The following SHCBP1L variants were observed in gnomAD, a reference collection of about 807,000 sequenced individuals.
The protein encoded by SHCBP1L is testicular spindle-associated protein SHCBP1L.
In SHCBP1L, 67 loss-of-function variants were observed where a neutral mutation model predicts 62.5. The observed-to-expected ratio is 1.07, with a 90% CI of 0.88 to 1.31. SHCBP1L has a LOEUF of 1.31. Ranked by LOEUF, SHCBP1L falls within the 40% of genes most tolerant of loss-of-function variation. The probability of loss-of-function intolerance (pLI) is 0.00; values close to 1 mark genes in which losing one functional copy is unlikely to be tolerated. For synonymous variants in SHCBP1L, 284 were observed against 289.4 expected (o/e 0.98, Z 0.19); for missense variants, 823 against 809.8 (o/e 1.02, Z -0.20).
chr1:182,949,061 G>A (rs1444522573), intron 2 of SHCBP1L, among the ~76,000 whole-genome samples: 1 of 152,072 alleles, frequency 6.6e-6, no homozygotes, highest in Non-Finnish European at 1.5e-5. Flanking sequence ...ATGTATTGCA[G>A]GTAAAACCTT....
chr1:182,952,834 T>G lies in SHCBP1L; in HGVS notation c.300A>C (p.Glu100Asp). The G allele has an allele frequency of 6.2e-7, 1 of 1,611,912 alleles. No homozygotes were observed. The highest frequency in any genetic ancestry group is 8.5e-7 in the Non-Finnish European group (1 of 1,179,368). Residue 100 changes from glutamate to aspartate, a missense_variant, in exon 1 of 10, where the codon GAA (glutamate) becomes GAC (aspartate). By Grantham distance (45) the Glu-to-Asp change is conservative. Coordinates refer to ENST00000367547, the MANE Select transcript of SHCBP1L (RefSeq NM_030933.4). Reference protein sequence around the residue: ...EEPLLPVPEDEEEAQPLPPVC... With the variant: ...EEPLLPVPEDDEEAQPLPPVC... ...CTGGGGGCAGGGGCTGCGCCTCCTC[T>G]TCATCCTCAGGCACTGGCAGCAGGG...
At chr1:182,900,324 C>G (rs1293455111) in intron 9 of SHCBP1L, 90 bp from the exon 10 acceptor site, 2 of 1,114,356 alleles carry the variant, frequency 1.8e-6, no homozygotes, top group Non-Finnish European at 1.2e-6. Context: ...AGACTTTATT[C>G]TTGGATTAAC....
chr1:182,938,903 T>C (rs760536469), intron 5 of SHCBP1L, among the ~76,000 whole-genome samples: 2 of 152,244 alleles, frequency 1.3e-5, no homozygotes, highest in Non-Finnish European at 2.9e-5. Context: ...CCTCTTCCTT[T>C]CTTATGCTTT....
chr1:182,905,735 T>G, intron 6 of SHCBP1L, 86 bp from the exon 7 acceptor site: 1 of 1,304,464 alleles, frequency 7.7e-7, no homozygotes, highest in Non-Finnish European at 1.1e-6. Flanking sequence ...GGACAAGTAC[T>G]TTTCCCAAAA....
At chr1:182,930,727 A>ATTTTT (rs71127328) in intron 5 of SHCBP1L, among the ~76,000 whole-genome samples, 3 of 20,942 alleles carry the variant, frequency 1.4e-4, no homozygotes, top group South Asian at 2.8e-3. Context: ...ATATATATGT[A>ATTTTT]TTTTTTTTTT....
At chr1:182,949,322 C>T (rs1387593712) in intron 2 of SHCBP1L, among the ~76,000 whole-genome samples, 1 of 150,848 alleles carries the variant, frequency 6.6e-6, no homozygotes, top group African/African-American at 2.4e-5. Context: ...CCATTTTTAT[C>T]CAGATGAAAA....
At chr1:182,922,893 C>A (rs1650567424) in intron 6 of SHCBP1L, among the ~76,000 whole-genome samples, 1 of 151,922 alleles carries the variant, frequency 6.6e-6, no homozygotes, top group Non-Finnish European at 1.5e-5. Flanking sequence ...AGAAAAATAA[C>A]CAAAATTAGA....
intron 1 of SHCBP1L, 45 bp from the exon 2 acceptor site, chr1:182,951,512 T>C: frequency 2.2e-6 from 3 of 1,356,456 alleles, no homozygotes; most frequent in East Asian, 4.9e-5. Context: ...TATGAAATTA[T>C]AGATTTTAAA....
At chr1:182,911,870 T>C (rs769572923) in intron 6 of SHCBP1L, among the ~76,000 whole-genome samples, 3 of 152,208 alleles carry the variant, frequency 2.0e-5, no homozygotes, top group Non-Finnish European at 4.4e-5. Context: ...AGTGGGATAT[T>C]ATGAAGCATA....
intron 2 of SHCBP1L, 97 bp downstream of exon 2, chr1:182,951,221 T>A (rs1651734468): frequency 1.1e-5 from 11 of 969,204 alleles, no homozygotes; most frequent in Non-Finnish European, 1.6e-5. Context: ...TAAAAATGTG[T>A]CAACTCTTGT....
rs942698187 is a variant in SHCBP1L, at chr1:182,924,351, T to A, written c.1182+5296A>T. On this transcript the variant is annotated intron_variant, in intron 6 of 9. Coordinates refer to ENST00000367547, the MANE Select transcript of SHCBP1L (RefSeq NM_030933.4). Reference sequence around the variant, plus strand: ...TCTCGCTCTGCCACCCAGGCTGGAGTGCAGTGGCTGATCTCAGTTCACTGC... The same window carrying A: ...TCTCGCTCTGCCACCCAGGCTGGAGAGCAGTGGCTGATCTCAGTTCACTGC... Among the ~76,000 whole-genome samples the A allele has an allele frequency of 7.4e-5, 11 of 148,944 alleles. No homozygotes were observed. The East Asian group carries it at 1.8e-3, about 24-fold the overall frequency.
intron 5 of SHCBP1L, among the ~76,000 whole-genome samples, chr1:182,936,288 G>A (rs758733430): frequency 5.9e-5 from 9 of 151,402 alleles, no homozygotes; most frequent in South Asian, 4.2e-4. Context: ...GGCATGCACC[G>A]CCACAACTGG....
intron 5 of SHCBP1L, among the ~76,000 whole-genome samples, chr1:182,931,610 T>G (rs1650997143): frequency 6.6e-6 from 1 of 152,294 alleles, no homozygotes; most frequent in South Asian, 2.1e-4. Flanking sequence ...ATAGGCTTTA[T>G]TTTTCAGAGC....
chr1:182,900,096 C>T lies in SHCBP1L; in HGVS notation c.1849G>A (p.Asp617Asn), dbSNP rs1335591045. The T allele has an allele frequency of 6.2e-7, 1 of 1,612,362 alleles. No homozygotes were observed. The highest frequency in any genetic ancestry group is 8.5e-7 in the Non-Finnish European group (1 of 1,179,118). The part of the protein sequence containing the change: ...EALNKRASSG[D>N]KKDDKMLFKV... ...AAGAGCATTTTATCATCTTTTTTAT[C>T]TCCTGAAGAAGCCCTTTTGTTGAGA... Residue 617 changes from aspartate to asparagine, a missense_variant, in exon 10 of 10, where the codon GAT (aspartate) becomes AAT (asparagine). Physicochemically the swap from Asp to Asn is conservative, Grantham distance 23. Coordinates refer to ENST00000367547, the MANE Select transcript of SHCBP1L (RefSeq NM_030933.4).
intron 6 of SHCBP1L, among the ~76,000 whole-genome samples, chr1:182,921,298 A>G (rs1442184470): frequency 6.6e-6 from 1 of 152,180 alleles, no homozygotes; most frequent in Non-Finnish European, 1.5e-5. Flanking sequence ...GAAGGTAAGA[A>G]AATGCTAAGA....
chr1:182,952,653 G>A, intron 1 of SHCBP1L, 76 bp downstream of exon 1: 1 of 1,490,486 alleles, frequency 6.7e-7, no homozygotes, highest in Non-Finnish European at 9.0e-7. Context: ...ATCCGCCTAA[G>A]AGGGAAGCCC....
intron 5 of SHCBP1L, among the ~76,000 whole-genome samples, chr1:182,930,820 G>C (rs1383655452): frequency 2.1e-5 from 3 of 141,200 alleles, no homozygotes; most frequent in Admixed American, 1.5e-4. Context: ...TGACCTCCTG[G>C]GCTCAAGCAA....
At chr1:182,939,055 T>C (rs1651267324) in intron 5 of SHCBP1L, 121 bp downstream of exon 5, 1 of 723,948 alleles carries the variant, frequency 1.4e-6, no homozygotes, top group African/African-American at 1.8e-5. Flanking sequence ...GCTTACCTCA[T>C]AAATTAGACA....
chr1:182,930,555 A>G (rs1464907681), intron 5 of SHCBP1L, among the ~76,000 whole-genome samples: 370 of 18,550 alleles, frequency 0.02, 5 homozygotes, highest in South Asian at 0.064. Context: ...GTGTGTGTAT[A>G]TATATATATA....
Sources: gnomAD v4.1 joint callset for allele counts (sites outside exome capture counted in the v4.1 genomes callset) on GRCh38, gnomAD v4.1.1 for gene constraint, MANE v1.5 for transcripts, NCBI Gene and HGNC (gene_info 2026-07-23, HGNC 2026-07-21) for gene names.